NFIA: variants seen among roughly 807,000 people sequenced by gnomAD.
NFIA encodes nuclear factor I A, also known as nuclear factor 1 A-type.
A neutral mutation model predicts 62.8 loss-of-function variants in NFIA; 8 were observed. The observed-to-expected ratio is 0.13, with a 90% CI of 0.07 to 0.23. The LOEUF (loss-of-function observed/expected upper bound fraction) is 0.23, where lower values mean the gene tolerates loss of function less well. Among genes scored for constraint, NFIA ranks in the 10% least tolerant of loss-of-function variants. NFIA has a pLI of 1.00. For missense variants in NFIA, 410 were observed against 642.1 expected (o/e 0.64, Z 3.91); for synonymous variants, 235 against 238.1 (o/e 0.99, Z 0.12).
At chr1:61,316,838 T>A (rs1419165298) in intron 3 of NFIA, among the ~76,000 whole-genome samples, 2 of 152,212 alleles carry the variant, frequency 1.3e-5, no homozygotes, top group Non-Finnish European at 2.9e-5. Context: ...CTATAAGGAA[T>A]CAAGACCCTT....
chr1:61,454,965 G>A (rs1668233968), intron 10 of NFIA, among the ~76,000 whole-genome samples: 1 of 152,196 alleles, frequency 6.6e-6, no homozygotes, highest in African/African-American at 2.4e-5. Flanking sequence ...AGGATTGAAT[G>A]ATAAACAAGA....
At chr1:61,320,496 A>G (rs375391737) in intron 3 of NFIA, among the ~76,000 whole-genome samples, 1 of 152,342 alleles carries the variant, frequency 6.6e-6, no homozygotes, top group East Asian at 1.9e-4. Flanking sequence ...GTTTTATTTT[A>G]TATTTGGAGA....
In NFIA at chr1:61,456,387, CA is replaced by C. The variant is rs969209957; in HGVS notation, c.*1074del. 1 of 134,990 alleles carries C rather than the reference CA, an allele frequency of 7.4e-6. No homozygotes were observed. Among genetic ancestry groups the C allele is most frequent in the Admixed American group, 7.5e-5 (1 of 13,282 alleles). The allele number at this position is 134,990 out of a possible 1,614,324, so 8.4% of individuals were successfully genotyped here. On this transcript the variant is annotated 3_prime_UTR_variant, in exon 11 of 11. Transcript: ENST00000403491. ...ACTGAAGGAAATTAAAAAAAAAAAA[CA>C]AAAAAACAAATCTAATGGTGCTTTT...
chr1:61,113,480 G>A (rs1211880086), intron 2 of NFIA, among the ~76,000 whole-genome samples: 1 of 151,784 alleles, frequency 6.6e-6, no homozygotes, highest in African/African-American at 2.4e-5. Flanking sequence ...TGTAATCCCA[G>A]CTACTCTGGA....
At chr1:61,349,317 AT>A (rs1172233168) in intron 4 of NFIA, among the ~76,000 whole-genome samples, 4 of 151,968 alleles carry the variant, frequency 2.6e-5, no homozygotes, top group East Asian at 3.9e-4. Context: ...TCAGTCTTCC[AT>A]TTTTTTTAGC....
chr1:61,112,823 T>A (rs1646725912), intron 2 of NFIA, among the ~76,000 whole-genome samples: 1 of 152,236 alleles, frequency 6.6e-6, no homozygotes, highest in Non-Finnish European at 1.5e-5. Flanking sequence ...ATTCATTTCA[T>A]ATGCATTGAT....
intron 3 of NFIA, among the ~76,000 whole-genome samples, chr1:61,327,635 A>G (rs1661023678): frequency 6.6e-6 from 1 of 152,116 alleles, no homozygotes; most frequent in Non-Finnish European, 1.5e-5. Flanking sequence ...GTATATATAT[A>G]TACCATATTT....
intron 2 of NFIA, among the ~76,000 whole-genome samples, chr1:61,195,494 CTCTG>C (rs1203318325): frequency 6.6e-6 from 1 of 152,110 alleles, no homozygotes; most frequent in East Asian, 1.9e-4. Flanking sequence ...GTGTACCCTC[CTCTG>C]TCTGTATATT....
chr1:61,277,947 A>G (rs902922492), intron 3 of NFIA, among the ~76,000 whole-genome samples: 1 of 152,068 alleles, frequency 6.6e-6, no homozygotes, highest in Non-Finnish European at 1.5e-5. Context: ...TAGTTCTTTA[A>G]TGTGGCAAAT....
chr1:61,374,204 A>G (rs1056939891), intron 6 of NFIA, among the ~76,000 whole-genome samples: 5 of 152,186 alleles, frequency 3.3e-5, no homozygotes, highest in African/African-American at 2.4e-5. Flanking sequence ...ATTTTATACT[A>G]TATGTATTGT....
intron 9 of NFIA, among the ~76,000 whole-genome samples, chr1:61,408,785 T>A (rs1426591037): frequency 6.6e-6 from 1 of 152,196 alleles, no homozygotes; most frequent in African/African-American, 2.4e-5. Context: ...TTGAATCAAT[T>A]TCCTCTTCTA....
chr1:61,357,968 C>T (rs1663052352), intron 5 of NFIA, among the ~76,000 whole-genome samples: 1 of 152,146 alleles, frequency 6.6e-6, no homozygotes, highest in African/African-American at 2.4e-5. Context: ...GGCGGCATTT[C>T]ACTACGTTTT....
chr1:61,298,358 A>T (rs1235434048), intron 3 of NFIA, among the ~76,000 whole-genome samples: 1 of 152,114 alleles, frequency 6.6e-6, no homozygotes, highest in African/African-American at 2.4e-5. Context: ...TTTTTTTAAA[A>T]AAATAAATAA....
chr1:61,432,906 C>T (rs1012649785), intron 10 of NFIA, among the ~76,000 whole-genome samples: 1 of 152,134 alleles, frequency 6.6e-6, no homozygotes, highest in Non-Finnish European at 1.5e-5. Context: ...CGCTGCAGTA[C>T]TCGAGAGCCC....
intron 5 of NFIA, among the ~76,000 whole-genome samples, chr1:61,357,561 G>A (rs946195512): frequency 1.3e-5 from 2 of 152,102 alleles, no homozygotes; most frequent in Non-Finnish European, 2.9e-5. Flanking sequence ...TAGCTCAGGA[G>A]CCATTTCCTC....
intron 2 of NFIA, among the ~76,000 whole-genome samples, chr1:61,230,231 G>T (rs188165963): frequency 6.6e-5 from 10 of 152,230 alleles, no homozygotes; most frequent in Admixed American, 4.6e-4. Context: ...ACAGAAAAAA[G>T]ATCTCATTCA....
At chr1:61,352,299 C>G (rs150952097) in intron 4 of NFIA, 151 bp from the exon 5 acceptor site, 157 of 590,542 alleles carry the variant, frequency 2.7e-4, no homozygotes, top group African/African-American at 2.6e-3. Flanking sequence ...AGTCAATATT[C>G]CTTTGGAGTC....
At chr1:61,121,103 G>A (rs1445762322) in intron 2 of NFIA, among the ~76,000 whole-genome samples, 1 of 152,198 alleles carries the variant, frequency 6.6e-6, no homozygotes, top group Non-Finnish European at 1.5e-5. Flanking sequence ...ACTCAATGGA[G>A]TGGACTGAGG....
intron 6 of NFIA, among the ~76,000 whole-genome samples, chr1:61,368,377 A>G (rs911274164): frequency 6.6e-6 from 1 of 152,220 alleles, no homozygotes; most frequent in African/African-American, 2.4e-5. Context: ...AACCACAGCA[A>G]TCTTCATAGG....
Sources: gnomAD v4.1 joint callset for allele counts (sites outside exome capture counted in the v4.1 genomes callset) on GRCh38, gnomAD v4.1.1 for gene constraint, MANE v1.5 for transcripts, NCBI Gene and HGNC (gene_info 2026-07-23, HGNC 2026-07-21) for gene names.